Variants in AKAP19 observed in about 807,000 individuals in gnomAD.
AKAP19 encodes the protein small A-kinase anchoring protein.
the AKAP19 span, among the ~76,000 whole-genome samples, chr2:190,027,155 C>A: frequency 1.5e-4 from 23 of 152,104 alleles, no homozygotes; most frequent in Non-Finnish European, 3.4e-4. Context: ...ATACCCAACA[C>A]CATTTGTTAA....
chr2:190,148,601 GT>G, the AKAP19 span, among the ~76,000 whole-genome samples: 1 of 152,156 alleles, frequency 6.6e-6, no homozygotes, highest in African/African-American at 2.4e-5. Flanking sequence ...TCCTTTGAAT[GT>G]CTGGTAGAAT....
chr2:190,103,382 AAAG>A, the AKAP19 span, among the ~76,000 whole-genome samples: 1 of 152,232 alleles, frequency 6.6e-6, no homozygotes, highest in Non-Finnish European at 1.5e-5. Context: ...CCAAATAGGA[AAAG>A]AAGAAGTGAA....
the AKAP19 span, among the ~76,000 whole-genome samples, chr2:189,948,440 C>G: frequency 1.3e-5 from 2 of 152,002 alleles, no homozygotes; most frequent in Non-Finnish European, 2.9e-5. Context: ...CGTGTACCTC[C>G]CTGAAAAACT....
the AKAP19 span, among the ~76,000 whole-genome samples, chr2:189,901,105 C>T: frequency 6.6e-6 from 1 of 151,712 alleles, no homozygotes; most frequent in African/African-American, 2.4e-5. Context: ...TCAGCCTGAC[C>T]CCTTTTCTCT....
chr2:190,094,079 A>C, the AKAP19 span, among the ~76,000 whole-genome samples: 1 of 152,234 alleles, frequency 6.6e-6, no homozygotes, highest in Non-Finnish European at 1.5e-5. Flanking sequence ...CCACAGCGAC[A>C]GAGTAAGCTC....
the AKAP19 span, among the ~76,000 whole-genome samples, chr2:190,126,950 A>G: frequency 2.0e-5 from 3 of 152,128 alleles, no homozygotes; most frequent in African/African-American, 7.2e-5. Flanking sequence ...CTAAGGACAG[A>G]CAAGCTTAGT....
the AKAP19 span, among the ~76,000 whole-genome samples, chr2:190,135,051 C>G: frequency 6.6e-6 from 1 of 152,124 alleles, no homozygotes; most frequent in African/African-American, 2.4e-5. Context: ...TTTGTCACCA[C>G]TTTAATAATC....
At chr2:189,961,733 GA>G in the AKAP19 span, among the ~76,000 whole-genome samples, 2 of 151,770 alleles carry the variant, frequency 1.3e-5, no homozygotes, top group African/African-American at 4.8e-5. Context: ...CAACATAGTA[GA>G]AACCCTGTCT....
the AKAP19 span, among the ~76,000 whole-genome samples, chr2:190,133,639 T>C: frequency 1.3e-5 from 2 of 152,236 alleles, no homozygotes; most frequent in Non-Finnish European, 2.9e-5. Flanking sequence ...CATCAACAGA[T>C]GAATGGATGC....
At chr2:189,905,806 T>C in the AKAP19 span, among the ~76,000 whole-genome samples, 1 of 151,980 alleles carries the variant, frequency 6.6e-6, no homozygotes, top group African/African-American at 2.4e-5. Flanking sequence ...ATTTGAAATT[T>C]TCTTTCCATG....
chr2:189,887,710 C>G, the AKAP19 span, among the ~76,000 whole-genome samples: 2 of 152,292 alleles, frequency 1.3e-5, no homozygotes, highest in East Asian at 3.9e-4. Context: ...TTGCATTTCT[C>G]TAATGACCAG....
the AKAP19 span, among the ~76,000 whole-genome samples, chr2:189,936,007 T>C: frequency 1.3e-5 from 2 of 152,112 alleles, no homozygotes. Context: ...ATTTGCTCTT[T>C]TGAAAAGTGC....
the AKAP19 span, among the ~76,000 whole-genome samples, chr2:190,127,306 T>C: frequency 6.6e-6 from 1 of 152,210 alleles, no homozygotes; most frequent in African/African-American, 2.4e-5. Context: ...AATGGTGTCC[T>C]GACTCTAGCT....
the AKAP19 span, among the ~76,000 whole-genome samples, chr2:190,144,964 G>A: frequency 6.6e-6 from 1 of 151,254 alleles, no homozygotes; most frequent in African/African-American, 2.4e-5. Context: ...GACAACAAGA[G>A]TGAAACTGTC....
At chr2:190,196,056 C>T in the AKAP19 span, among the ~76,000 whole-genome samples, 22 of 123,846 alleles carry the variant, frequency 1.8e-4, no homozygotes, top group East Asian at 4.9e-3. Context: ...CTCTGCCTTT[C>T]AATTGTTATT....
At chr2:189,879,790 G>A in the AKAP19 span, 1 of 152,298 alleles carries the variant, frequency 6.6e-6, no homozygotes, top group Non-Finnish European at 1.5e-5. Context: ...TTTAGGCTGG[G>A]TTGCCAGAGC....
chr2:190,133,007 T>C, the AKAP19 span, among the ~76,000 whole-genome samples: 474 of 151,764 alleles, frequency 3.1e-3, 1 homozygote, highest in African/African-American at 0.01. Context: ...GAGGCCAAGG[T>C]GGGCGGATCA....
chr2:190,116,196 A>G, the AKAP19 span, among the ~76,000 whole-genome samples: 11 of 152,258 alleles, frequency 7.2e-5, no homozygotes, highest in Admixed American at 2.0e-4. Context: ...TTGTGTTTAT[A>G]TTAAAAAATA....
the AKAP19 span, among the ~76,000 whole-genome samples, chr2:190,069,219 A>G: frequency 7.3e-5 from 11 of 150,610 alleles, no homozygotes; most frequent in African/African-American, 2.4e-4. Context: ...AGACAGATCA[A>G]TCTCCCAGTA....
Sources: gnomAD v4.1 joint callset for allele counts (sites outside exome capture counted in the v4.1 genomes callset) on GRCh38, gnomAD v4.1.1 for gene constraint, MANE v1.5 for transcripts, NCBI Gene and HGNC (gene_info 2026-07-23, HGNC 2026-07-21) for gene names.